The following NELL2 variants were observed in gnomAD, a reference collection of about 807,000 sequenced individuals.
The protein encoded by NELL2 is neural EGFL like 2.
In NELL2, 41 loss-of-function variants were observed where a neutral mutation model predicts 109.6. That is an observed-to-expected ratio of 0.37 (90% CI 0.29 to 0.49). The LOEUF is 0.49. Ranked by LOEUF, NELL2 falls within the 20% of genes least tolerant of loss-of-function variation. The pLI is 0.98. For synonymous variants in NELL2, 355 were observed against 344.7 expected (o/e 1.03, Z -0.33); for missense variants, 900 against 1,008.3 (o/e 0.89, Z 1.45).
At chr12:44,831,769 T>C (rs772413577) in intron 2 of NELL2, among the ~76,000 whole-genome samples, 2 of 152,160 alleles carry the variant, frequency 1.3e-5, no homozygotes, top group Non-Finnish European at 2.9e-5. Context: ...AAAATGGCAG[T>C]GTGGAGTTAG....
chr12:44,541,819 T>C (rs999030030), intron 15 of NELL2, among the ~76,000 whole-genome samples: 2 of 152,360 alleles, frequency 1.3e-5, no homozygotes, highest in East Asian at 3.9e-4. Context: ...TAATGCTGAC[T>C]GCAGTACTAT....
At chr12:44,626,239 T>G (rs1946259683) in intron 13 of NELL2, among the ~76,000 whole-genome samples, 1 of 152,190 alleles carries the variant, frequency 6.6e-6, no homozygotes, top group African/African-American at 2.4e-5. Context: ...AAATATAAAG[T>G]CTTTGCCATG....
intron 2 of NELL2, among the ~76,000 whole-genome samples, chr12:44,864,173 C>T (rs924765057): frequency 3.3e-5 from 5 of 152,004 alleles, no homozygotes; most frequent in African/African-American, 7.2e-5. Flanking sequence ...CCAAAACTTC[C>T]ATAAAACAAT....
At chr12:44,581,001 G>A (rs1244889197) in intron 15 of NELL2, among the ~76,000 whole-genome samples, 2 of 152,050 alleles carry the variant, frequency 1.3e-5, no homozygotes, top group Non-Finnish European at 2.9e-5. Flanking sequence ...ATTTTGAGAC[G>A]AACTTTTTTA....
At chr12:44,534,653 G>T (rs971660167) in intron 15 of NELL2, among the ~76,000 whole-genome samples, 1 of 152,100 alleles carries the variant, frequency 6.6e-6, no homozygotes. Context: ...ATGATGTAGA[G>T]AATTGATTAT....
intron 19 of NELL2, among the ~76,000 whole-genome samples, chr12:44,512,757 G>A (rs1269181478): frequency 6.6e-6 from 1 of 152,008 alleles, no homozygotes; most frequent in African/African-American, 2.4e-5. Context: ...ATATGTTGGA[G>A]CTAAAAAATT....
rs557242332 is a variant in NELL2 at position 44,570,257 on chromosome 12, G to A, written c.1663+36912C>T. 5.9e-5 allele frequency among the ~76,000 whole-genome samples: 9 copies of A among 152,278 alleles called. 1 individual carries two copies. The South Asian group carries it at 1.0e-3, about 18-fold the overall frequency. On this transcript the variant is annotated intron_variant, in intron 15 of 19. Transcript: ENST00000429094. ...AATGTGAGCAAAAGGAAATTTAATC[G>A]TGTTGCTATGTCATGTGTGGCGATG...
chr12:44,688,390 A>C (rs1948794222), intron 12 of NELL2, among the ~76,000 whole-genome samples: 1 of 152,366 alleles, frequency 6.6e-6, no homozygotes, highest in South Asian at 2.1e-4. Flanking sequence ...TGATACACTG[A>C]CAATAATAAA....
chr12:44,741,401 G>A (rs1276978373), intron 9 of NELL2, among the ~76,000 whole-genome samples: 1 of 152,176 alleles, frequency 6.6e-6, no homozygotes, highest in African/African-American at 2.4e-5. Flanking sequence ...GGTGATTTCT[G>A]CATTTCCAAC....
At chr12:44,612,696 C>CT (rs2136255346) in intron 13 of NELL2, among the ~76,000 whole-genome samples, 1 of 152,050 alleles carries the variant, frequency 6.6e-6, no homozygotes, top group East Asian at 1.9e-4. Flanking sequence ...TTTGCACCTG[C>CT]TGCCAATTTC....
At chr12:44,703,405 C>G (rs1937663768) in intron 12 of NELL2, among the ~76,000 whole-genome samples, 1 of 152,028 alleles carries the variant, frequency 6.6e-6, no homozygotes, top group South Asian at 2.1e-4. Context: ...GACTACGATT[C>G]TAACTGCAAG....
chr12:44,686,465 C>T (rs77292015), intron 12 of NELL2, among the ~76,000 whole-genome samples: 14 of 152,214 alleles, frequency 9.2e-5, no homozygotes, highest in South Asian at 4.1e-4. Flanking sequence ...TGAGGAACTG[C>T]GTTCCTTTGG....
At chr12:44,598,976 T>C (rs571040608) in intron 15 of NELL2, among the ~76,000 whole-genome samples, 378 of 152,222 alleles carry the variant, frequency 2.5e-3, no homozygotes, top group Non-Finnish European at 1.8e-3. Flanking sequence ...TTTCTACCTA[T>C]GCTTGAGTGG....
chr12:44,656,357 C>T (rs1035536013), intron 13 of NELL2, among the ~76,000 whole-genome samples: 6 of 152,140 alleles, frequency 3.9e-5, no homozygotes, highest in Admixed American at 3.9e-4. Context: ...AGAAGAAGTA[C>T]AGTCGAATAA....
chr12:44,755,171 G>T (rs1431019356), intron 9 of NELL2, among the ~76,000 whole-genome samples: 1 of 151,970 alleles, frequency 6.6e-6, no homozygotes, highest in East Asian at 1.9e-4. Context: ...TGTTATTCCA[G>T]CAAGAACACC....
intron 9 of NELL2, among the ~76,000 whole-genome samples, chr12:44,769,872 C>G (rs1173252768): frequency 2.0e-5 from 3 of 152,090 alleles, no homozygotes; most frequent in Non-Finnish European, 4.4e-5. Flanking sequence ...GGATGAGCCT[C>G]ACAAAGGTGA....
intron 9 of NELL2, among the ~76,000 whole-genome samples, chr12:44,716,640 G>C (rs1938502278): frequency 2.0e-5 from 3 of 151,888 alleles, no homozygotes; most frequent in Admixed American, 2.0e-4. Context: ...TACTTAATAA[G>C]TACTATATTT....
intron 9 of NELL2, among the ~76,000 whole-genome samples, chr12:44,733,928 T>C (rs1314506244): frequency 6.6e-6 from 1 of 152,066 alleles, no homozygotes; most frequent in African/African-American, 2.4e-5. Flanking sequence ...TGGCACAGCA[T>C]AAAATCAGTA....
intron 9 of NELL2, among the ~76,000 whole-genome samples, chr12:44,773,529 T>C (rs1941633957): frequency 6.6e-6 from 1 of 152,146 alleles, no homozygotes; most frequent in Admixed American, 6.5e-5. Context: ...GCTATTGTAT[T>C]ATGAATATGA....
Sources: allele counts gnomAD v4.1 joint callset (sites outside exome capture counted in the v4.1 genomes callset), GRCh38; gene constraint gnomAD v4.1.1; transcripts MANE v1.5; gene names NCBI Gene and HGNC (gene_info 2026-07-23, HGNC 2026-07-21).